Variants in LRRC4C observed in about 807,000 individuals in gnomAD.
The protein encoded by LRRC4C is leucine rich repeat containing 4C, also known as leucine-rich repeat-containing protein 4C.
LRRC4C carries 5 observed loss-of-function variants against 33.6 expected under a neutral mutation model. The ratio of observed to expected loss-of-function variants is 0.15; its 90% CI spans 0.08 to 0.31. LRRC4C has a LOEUF of 0.31. Among genes scored for constraint, LRRC4C ranks in the 10% least tolerant of loss-of-function variants. The pLI, the probability that LRRC4C is intolerant of heterozygous loss-of-function variation, is 1.00. For missense variants in LRRC4C, 560 were observed against 796.7 expected (o/e 0.70, Z 3.58); for synonymous variants, 329 against 302.0 (o/e 1.09, Z -0.93).
chr11:40,126,995 T>C lies in LRRC4C; in HGVS notation c.-42-10661A>G, dbSNP rs1001851671. On this transcript the variant is annotated intron_variant, in intron 6 of 6. Coordinates refer to ENST00000528697, the MANE Select transcript of LRRC4C (RefSeq NM_001258419.2). ...AATAAATAAAAAGAAGAAGAGAATT[T>C]GGGGCCAGGTGTAGTGGCTCACGCC... is the stretch of plus-strand genomic sequence containing the variant. Among the ~76,000 whole-genome samples, 156 of 151,446 alleles carry C rather than the reference T, an allele frequency of 1.0e-3. 3 individuals are homozygous for C. The highest frequency in any genetic ancestry group is 3.1e-4 in the Non-Finnish European group (21 of 67,864).
intron 1 of LRRC4C, among the ~76,000 whole-genome samples, chr11:40,971,262 G>A (rs1256745003): frequency 1.3e-5 from 2 of 152,198 alleles, no homozygotes; most frequent in Non-Finnish European, 1.5e-5. Flanking sequence ...GAATGTTATG[G>A]TGGTCCAGGC....
intron 5 of LRRC4C, among the ~76,000 whole-genome samples, chr11:40,167,187 C>T (rs1203253851): frequency 6.6e-6 from 1 of 152,118 alleles, no homozygotes. Flanking sequence ...TTGCTTCCAC[C>T]ATACAAAAAG....
intron 3 of LRRC4C, among the ~76,000 whole-genome samples, chr11:40,345,232 A>T (rs1947070396): frequency 6.6e-6 from 1 of 152,152 alleles, no homozygotes; most frequent in South Asian, 2.1e-4. Context: ...AAAGATCCCA[A>T]ATAGCCAAGA....
intron 2 of LRRC4C, among the ~76,000 whole-genome samples, chr11:40,797,494 T>G (rs1591748716): frequency 6.6e-6 from 1 of 152,274 alleles, no homozygotes; most frequent in South Asian, 2.1e-4. Context: ...TCTTAAAGAC[T>G]ATCTGCAGTT....
chr11:40,784,449 T>C (rs1565058180), intron 2 of LRRC4C, among the ~76,000 whole-genome samples: 1 of 152,146 alleles, frequency 6.6e-6, no homozygotes, highest in African/African-American at 2.4e-5. Flanking sequence ...AAAAGCAAAA[T>C]AGTCAATATG....
Position 40,363,508 on chromosome 11 carries a change from A to T in LRRC4C, c.-269-43787T>A, listed in dbSNP as rs10837389. Among the ~76,000 whole-genome samples the T allele has an allele frequency of 2.0e-5, 3 of 151,968 alleles. No individual in the cohort carries two copies. In the East Asian group the frequency reaches 5.8e-4, roughly 30 times the overall value. On this transcript the variant is annotated intron_variant, in intron 3 of 6. Coordinates refer to ENST00000528697, the MANE Select transcript of LRRC4C (RefSeq NM_001258419.2). ...GAAATAATCTGCACAAGCAAATCCC[A>T]ATGACTCACGTTTATCTATGTAACA... is the stretch of plus-strand genomic sequence containing the variant.
At chr11:40,841,828 T>G (rs541614696) in intron 2 of LRRC4C, among the ~76,000 whole-genome samples, 1 of 152,316 alleles carries the variant, frequency 6.6e-6, no homozygotes, top group East Asian at 1.9e-4. Context: ...GGCACATTCA[T>G]AGGAAACACT....
chr11:40,299,118 C>T (rs187444101), intron 4 of LRRC4C, among the ~76,000 whole-genome samples: 3 of 152,276 alleles, frequency 2.0e-5, no homozygotes, highest in Admixed American at 2.0e-4. Context: ...TAACAAAGGT[C>T]CTTAGTGATT....
intron 5 of LRRC4C, among the ~76,000 whole-genome samples, chr11:40,149,980 G>T (rs368498336): frequency 1.3e-5 from 2 of 152,248 alleles, no homozygotes; most frequent in East Asian, 1.9e-4. Context: ...CTGCAGTTCT[G>T]GAAGCTGGAA....
chr11:40,524,635 C>A (rs892520604), intron 3 of LRRC4C, among the ~76,000 whole-genome samples: 1 of 152,106 alleles, frequency 6.6e-6, no homozygotes, highest in African/African-American at 2.4e-5. Context: ...TGGATAGAGG[C>A]TGAGGATTGT....
Position 40,433,414 on chromosome 11 carries a change from G to GTTACT in LRRC4C, c.-269-113694_-269-113693insAGTAA, listed in dbSNP as rs1456948080. Among the ~76,000 whole-genome samples the GTTACT allele has an allele frequency of 1.1e-4, 16 of 152,212 alleles. No homozygotes were observed. The East Asian group carries it at 3.1e-3, about 29-fold the overall frequency. ...GTTACTGATATAATATATGGGATGA[G>GTTACT]GTGGGAAGATTGTTTGGAAGGAGAA... On this transcript the variant is annotated intron_variant, in intron 3 of 6. Transcript: ENST00000528697.
At chr11:40,387,783 T>C (rs1162196319) in intron 3 of LRRC4C, among the ~76,000 whole-genome samples, 2 of 152,162 alleles carry the variant, frequency 1.3e-5, no homozygotes, top group East Asian at 3.9e-4. Context: ...ACTTTGTAAA[T>C]GGTTAAGGTA....
chr11:40,802,975 A>G (rs968093480), intron 2 of LRRC4C, among the ~76,000 whole-genome samples: 10 of 152,194 alleles, frequency 6.6e-5, no homozygotes, highest in Admixed American at 3.3e-4. Flanking sequence ...AAGGCAATGC[A>G]AAAAGGATTC....
chr11:40,931,960 GAAAT>G (rs1302662118), intron 2 of LRRC4C, among the ~76,000 whole-genome samples: 5 of 152,066 alleles, frequency 3.3e-5, no homozygotes, highest in Admixed American at 3.3e-4. Context: ...AAAAAGTTGA[GAAAT>G]AAGTTCTTAG....
intron 1 of LRRC4C, among the ~76,000 whole-genome samples, chr11:41,266,551 G>A (rs917455877): frequency 3.9e-5 from 6 of 152,080 alleles, no homozygotes; most frequent in Non-Finnish European, 5.9e-5. Context: ...AAAAGTGACA[G>A]AGCAATTGAA....
At chr11:41,135,859 A>C (rs540747616) in intron 1 of LRRC4C, among the ~76,000 whole-genome samples, 1 of 152,330 alleles carries the variant, frequency 6.6e-6, no homozygotes, top group Non-Finnish European at 1.5e-5. Flanking sequence ...ATATTAAAAA[A>C]TCAAATAGCA....
At chr11:40,497,943 C>T (rs764803206) in intron 3 of LRRC4C, among the ~76,000 whole-genome samples, 76 of 152,128 alleles carry the variant, frequency 5.0e-4, no homozygotes, top group Admixed American at 8.5e-4. Flanking sequence ...GTATTTCTGA[C>T]TTTTCATTTT....
At chr11:40,317,868 A>T (rs575515572) in intron 4 of LRRC4C, among the ~76,000 whole-genome samples, 1 of 152,228 alleles carries the variant, frequency 6.6e-6, no homozygotes, top group East Asian at 1.9e-4. Flanking sequence ...AGAGAGCAGA[A>T]GTCCATATTC....
intron 2 of LRRC4C, among the ~76,000 whole-genome samples, chr11:40,691,183 A>G (rs994422782): frequency 6.6e-6 from 1 of 152,090 alleles, no homozygotes. Context: ...AATTAATTTT[A>G]TAAACTTGAT....
Sources: gnomAD v4.1 joint callset for allele counts (sites outside exome capture counted in the v4.1 genomes callset) on GRCh38, gnomAD v4.1.1 for gene constraint, MANE v1.5 for transcripts, NCBI Gene and HGNC (gene_info 2026-07-23, HGNC 2026-07-21) for gene names.